BANP: variants seen among roughly 807,000 people sequenced by gnomAD.
The protein encoded by BANP is protein BANP.
A neutral mutation model predicts 68.1 loss-of-function variants in BANP; 11 were observed. That is an observed-to-expected ratio of 0.16 (90% CI 0.10 to 0.27). The LOEUF (loss-of-function observed/expected upper bound fraction) is 0.27, where lower values mean the gene tolerates loss of function less well. Ranked by LOEUF, BANP falls within the 10% of genes least tolerant of loss-of-function variation. The pLI is 1.00. For synonymous variants in BANP, 329 were observed against 303.2 expected (o/e 1.09, Z -0.88); for missense variants, 504 against 722.7 (o/e 0.70, Z 3.47).
At chr16:87,960,080 G>A (rs2058850385) in intron 1 of BANP, 1 of 152,514 alleles carries the variant, frequency 6.6e-6, no homozygotes, top group South Asian at 2.1e-4. Flanking sequence ...CAGTCCCAAG[G>A]GGCACCTTCA....
chr16:88,038,059 G>A, intron 11 of BANP, 48 bp downstream of exon 11: 4 of 1,473,096 alleles, frequency 2.7e-6, no homozygotes, highest in Non-Finnish European at 3.7e-6. Context: ...GCTGCCGAGG[G>A]ATGGGGTTCT....
rs202238087 is a variant in BANP, at chr16:88,059,293, A to G, written c.1312-5974A>G. Among the ~76,000 whole-genome samples, 48 of 151,646 alleles carry G rather than the reference A, an allele frequency of 3.2e-4. No homozygotes were observed. In the East Asian group the frequency reaches 9.2e-3, roughly 29 times the overall value. On this transcript the variant is annotated intron_variant, in intron 11 of 13. Transcript: ENST00000682872. ...GTGTGTGAAGGTGTGGAGAGGGGGC[A>G]CTGCCTTCCCTCTCGGCAGTGCTTG...
chr16:87,977,663 G>A (rs1242029220), intron 2 of BANP, among the ~76,000 whole-genome samples: 2 of 152,176 alleles, frequency 1.3e-5, no homozygotes, highest in Non-Finnish European at 2.9e-5. Flanking sequence ...GGTTGTAGCA[G>A]CTTTTAAATT....
In BANP at chr16:88,006,159, G is replaced by A. The variant is rs774045333; in HGVS notation, c.549G>A (p.Glu183=). The A allele has an allele frequency of 5.0e-6, 8 of 1,613,940 alleles. No individual in the cohort carries two copies. The highest frequency in any genetic ancestry group is 6.8e-6 in the Non-Finnish European group (8 of 1,179,964). Residue 183 remains glutamate (E), a synonymous_variant, in exon 6 of 14, where the codon GAG becomes GAA. Transcript: ENST00000682872. ...KVPGQEDSHH[E]DGESGSEASD... is the part of the protein sequence containing the mutation. The stretch of plus-strand genomic sequence containing the variant: ...CGGGCCAAGAAGACAGCCACCACGA[G>A]GACGGGGAGAGCGGCTCGGAGGCCA...
At chr16:88,056,153 T>TCC (rs1167961038) in intron 11 of BANP, among the ~76,000 whole-genome samples, 1 of 151,936 alleles carries the variant, frequency 6.6e-6, no homozygotes, top group Non-Finnish European at 1.5e-5. Context: ...ACTGGAGGGG[T>TCC]CCTTGTGGCC....
chr16:88,013,347 C>T (rs1333568379), intron 6 of BANP, among the ~76,000 whole-genome samples: 2 of 152,236 alleles, frequency 1.3e-5, no homozygotes, highest in East Asian at 1.9e-4. Context: ...CCTGACAGGA[C>T]GGGCCCTCCC....
chr16:88,006,400 A>C (rs2071123775), intron 6 of BANP, 135 bp downstream of exon 6: 4 of 1,062,500 alleles, frequency 3.8e-6, no homozygotes. Flanking sequence ...TAATCCCAGC[A>C]CTTTGGGAGG....
At chr16:87,994,048 A>G (rs1255969680) in intron 4 of BANP, among the ~76,000 whole-genome samples, 2 of 152,206 alleles carry the variant, frequency 1.3e-5, no homozygotes, top group Non-Finnish European at 2.9e-5. Context: ...CTGGCGTTAG[A>G]GACCAGGATG....
At chr16:88,056,607 G>A (rs969954825) in intron 11 of BANP, among the ~76,000 whole-genome samples, 17 of 152,150 alleles carry the variant, frequency 1.1e-4, no homozygotes, top group African/African-American at 4.1e-4. Flanking sequence ...CCCCTGAGAT[G>A]CTCCCACTGC....
chr16:87,992,521 C>T (rs534210932), intron 4 of BANP, among the ~76,000 whole-genome samples: 57 of 152,194 alleles, frequency 3.7e-4, no homozygotes, highest in African/African-American at 1.0e-3. Flanking sequence ...CTGCCAGTCA[C>T]GGTGGCTCAT....
At chr16:88,066,120 G>T (rs1207644416) in intron 12 of BANP, among the ~76,000 whole-genome samples, 1 of 152,206 alleles carries the variant, frequency 6.6e-6, no homozygotes, top group Non-Finnish European at 1.5e-5. Context: ...GGCAGACGGG[G>T]CTTCTCCCAG....
At chr16:87,958,289 A>G (rs796789121) in intron 1 of BANP, among the ~76,000 whole-genome samples, 7 of 152,324 alleles carry the variant, frequency 4.6e-5, no homozygotes, top group African/African-American at 9.6e-5. Context: ...TGAGTGGGCC[A>G]TGGCCAGTGT....
chr16:87,980,911 A>G, intron 2 of BANP, 125 bp from the exon 3 acceptor site: 2 of 662,958 alleles, frequency 3.0e-6, no homozygotes, highest in Non-Finnish European at 5.3e-6. Flanking sequence ...AAGGTGAAAT[A>G]TGAGATAGGT....
At chr16:88,033,472 G>T (rs1354256439) in intron 9 of BANP, among the ~76,000 whole-genome samples, 1 of 152,182 alleles carries the variant, frequency 6.6e-6, no homozygotes, top group Non-Finnish European at 1.5e-5. Context: ...CACATGGTGG[G>T]GTGGGGCATT....
intron 11 of BANP, among the ~76,000 whole-genome samples, chr16:88,043,405 G>C: frequency 6.6e-6 from 1 of 152,204 alleles, no homozygotes; most frequent in East Asian, 1.9e-4. Flanking sequence ...ACACTGTGCT[G>C]ATTTCTTTTG....
chr16:88,024,195 G>A (rs1000148810), intron 7 of BANP, among the ~76,000 whole-genome samples: 9 of 152,144 alleles, frequency 5.9e-5, no homozygotes, highest in African/African-American at 9.7e-5. Context: ...CCGTCTCCCC[G>A]AGCACCTCTC....
chr16:88,024,621 C>T (rs1026473289), intron 7 of BANP, among the ~76,000 whole-genome samples: 4 of 152,234 alleles, frequency 2.6e-5, no homozygotes, highest in African/African-American at 9.6e-5. Flanking sequence ...GCGGCGCCTG[C>T]ACCCGTAAGT....
chr16:88,005,637 G>A (rs1026523778), intron 5 of BANP, among the ~76,000 whole-genome samples: 1 of 152,216 alleles, frequency 6.6e-6, no homozygotes, highest in Non-Finnish European at 1.5e-5. Context: ...GTGGGCGTAC[G>A]TGGGAGTGCT....
At chr16:88,006,767 A>C (rs1451178804) in intron 6 of BANP, among the ~76,000 whole-genome samples, 5 of 151,258 alleles carry the variant, frequency 3.3e-5, no homozygotes, top group Non-Finnish European at 7.4e-5. Flanking sequence ...GCCTGGCCAA[A>C]ATGGTGAAAC....
Sources: gnomAD v4.1 joint callset for allele counts (sites outside exome capture counted in the v4.1 genomes callset) on GRCh38, gnomAD v4.1.1 for gene constraint, MANE v1.5 for transcripts, NCBI Gene and HGNC (gene_info 2026-07-23, HGNC 2026-07-21) for gene names.